Variants in CPNE9 observed in about 807,000 individuals in gnomAD.
The protein encoded by CPNE9 is copine-9.
CPNE9 carries 59 observed loss-of-function variants against 83.0 expected under a neutral mutation model. The observed-to-expected ratio is 0.71, with a 90% CI of 0.58 to 0.88. CPNE9 has a LOEUF of 0.88. Ranked by LOEUF, CPNE9 falls within the 40% of genes least tolerant of loss-of-function variation. The pLI, the probability that CPNE9 is intolerant of heterozygous loss-of-function variation, is 0.00. For missense variants in CPNE9, 619 were observed against 720.8 expected (o/e 0.86, Z 1.62); for synonymous variants, 256 against 273.4 (o/e 0.94, Z 0.63).
rs1442498255 is a variant in CPNE9 at position 9,729,607 on chromosome 3, T to C, written c.1577T>C (p.Leu526Pro). 6 of 1,613,960 alleles carry C rather than the reference T, an allele frequency of 3.7e-6. No individual in the cohort carries two copies. The highest frequency in any genetic ancestry group is 2.7e-5 in the African/African-American group (2 of 74,884). ...CTGGCCGAGATCCCGGAGCAGCTGC[T>C]GTCCTATATGCGCACCAGAGACATC... Reference protein sequence around the residue: ...DVLAEIPEQLLSYMRTRDIQP... With the variant: ...DVLAEIPEQLPSYMRTRDIQP... Residue 526 changes from leucine (L) to proline (P), a missense_variant, in exon 21 of 21, where the codon CTG becomes CCG. By Grantham distance (98) the Leu-to-Pro change is moderately conservative. This residue lies in a region of CPNE9 where 51 missense variants were observed against 40.4 expected (regional missense o/e 1.26). Coordinates refer to ENST00000383832, the MANE Select transcript of CPNE9 (RefSeq NM_153635.3).
rs1037691824 is a variant in CPNE9 at position 9,729,622 on chromosome 3, C to T, written c.1592C>T (p.Thr531Ile). ...GAGCAGCTGCTGTCCTATATGCGCA[C>T]CAGAGACATCCAGCCTCGGCCCCCA... is the stretch of plus-strand genomic sequence containing the variant. ...IPEQLLSYMRTRDIQPRPPPP... is the reference protein window; with the variant it reads ...IPEQLLSYMRIRDIQPRPPPP... The change falls in exon 21 of 21, where the codon ACC becomes ATC. Residue 531 changes from threonine (T) to isoleucine (I), a missense_variant. Around this residue, in one of 3 missense-constraint regions of CPNE9, gnomAD observed 51 missense variants for 40.4 expected, o/e 1.26. Transcript: ENST00000383832. The T allele has an allele frequency of 1.7e-5, 27 of 1,614,012 alleles. No homozygotes were observed. Among genetic ancestry groups the T allele is most frequent in the Non-Finnish European group, 2.1e-5 (25 of 1,180,020 alleles).
At chr3:9,709,739 G>A (rs1233798877) in intron 7 of CPNE9, among the ~76,000 whole-genome samples, 6 of 151,784 alleles carry the variant, frequency 4.0e-5, no homozygotes, top group South Asian at 2.1e-4. Context: ...TTAGGAGGCC[G>A]AGGCCTCCTA....
chr3:9,725,678 ATATATATATACATATATGTG>A (rs1559646137), intron 17 of CPNE9, among the ~76,000 whole-genome samples: 6 of 57,338 alleles, frequency 1.0e-4, no homozygotes, highest in African/African-American at 6.8e-4. Flanking sequence ...ATATATGTGT[ATATATATATACATATATGTG>A]TATATATGTG....
intron 17 of CPNE9, among the ~76,000 whole-genome samples, chr3:9,723,926 A>G (rs935100999): frequency 3.3e-5 from 5 of 152,202 alleles, no homozygotes; most frequent in African/African-American, 1.2e-4. Flanking sequence ...ACTGTCCAAT[A>G]GCACTTTCTG....
At chr3:9,712,321 G>A (rs571046508) in intron 7 of CPNE9, among the ~76,000 whole-genome samples, 1 of 152,296 alleles carries the variant, frequency 6.6e-6, no homozygotes, top group East Asian at 1.9e-4. Flanking sequence ...TCATGCTACT[G>A]TTGTGAGATG....
chr3:9,713,119 C>T (rs754251659), intron 10 of CPNE9, 40 bp downstream of exon 10: 2 of 1,459,018 alleles, frequency 1.4e-6, no homozygotes, highest in South Asian at 2.3e-5. Flanking sequence ...GAGCCAAGGA[C>T]ATGCCAGTGT....
chr3:9,705,365 T>C, intron 4 of CPNE9, 99 bp from the exon 5 acceptor site: 1 of 926,406 alleles, frequency 1.1e-6, no homozygotes, highest in Non-Finnish European at 1.7e-6. Context: ...CGGCCGCCCA[T>C]CCCTCCACCC....
chr3:9,727,520 C>A, intron 20 of CPNE9: 1 of 671,486 alleles, frequency 1.5e-6, no homozygotes, highest in Non-Finnish European at 2.7e-6. Flanking sequence ...GTAACAGGGA[C>A]CTAACATAGG....
chr3:9,704,764 C>G lies in CPNE9; in HGVS notation c.125C>G (p.Thr42Arg). 3 of 1,611,942 alleles carry G rather than the reference C, an allele frequency of 1.9e-6. No individual in the cohort carries two copies. The highest frequency in any genetic ancestry group is 1.7e-6 in the Non-Finnish European group (2 of 1,179,480). Residue 42 changes from threonine (T) to arginine (R), a missense_variant, in exon 3 of 21, where the codon ACG (threonine) becomes AGG (arginine). Physicochemically the swap from Thr to Arg is moderately conservative, Grantham distance 71. Transcript: ENST00000383832. This position sits in a 1 kb window ranked among gnomAD's most constrained non-coding sequence, Gnocchi z 7.1. ...CCACCTGCAGTGGTGGTGCTTTACA[C>G]GCAGAGCCGGGCCAGCCAGGAGTGG... ...SKSDPMVVLYTQSRASQEWRE... is the reference protein window; with the variant it reads ...SKSDPMVVLYRQSRASQEWRE...
At chr3:9,729,019 G>T (rs1435479584) in intron 20 of CPNE9, among the ~76,000 whole-genome samples, 9 of 152,158 alleles carry the variant, frequency 5.9e-5, no homozygotes, top group African/African-American at 2.2e-4. Context: ...AAATCATCCA[G>T]GAAGAGAGCT....
intron 17 of CPNE9, 90 bp downstream of exon 17, chr3:9,718,692 T>G (rs532576373): frequency 1.3e-6 from 2 of 1,490,616 alleles, no homozygotes; most frequent in Admixed American, 3.9e-5. Flanking sequence ...TCTAAGTAAT[T>G]TAGGATGATT....
rs267599947 is a variant in CPNE9, at chr3:9,729,593, C to T, written c.1563C>T (p.Ile521=). 1 of 1,614,160 alleles carries T rather than the reference C, an allele frequency of 6.2e-7. No individual in the cohort carries two copies. Among genetic ancestry groups the T allele is most frequent in the Non-Finnish European group, 8.5e-7 (1 of 1,180,034 alleles). Residue 521 remains isoleucine (I), a synonymous_variant, in exon 21 of 21, where the codon ATC becomes ATT. Coordinates refer to ENST00000383832, the MANE Select transcript of CPNE9 (RefSeq NM_153635.3). ...TGGCCAAGGATGTGCTGGCCGAGAT[C>T]CCGGAGCAGCTGCTGTCCTATATGC... ...ARLAKDVLAE[I]PEQLLSYMRT...
At chr3:9,720,753 C>T (rs948408768) in intron 17 of CPNE9, among the ~76,000 whole-genome samples, 50 of 152,014 alleles carry the variant, frequency 3.3e-4, no homozygotes, top group African/African-American at 1.2e-3. Context: ...TAAATATTAT[C>T]TTATGCAACT....
intron 7 of CPNE9, among the ~76,000 whole-genome samples, chr3:9,710,843 A>G (rs2076620235): frequency 6.6e-6 from 1 of 152,156 alleles, no homozygotes; most frequent in Non-Finnish European, 1.5e-5. Context: ...TGGGTAACAT[A>G]GCCAGACCTT....
At chr3:9,726,300 T>A (rs1342906501) in intron 18 of CPNE9, among the ~76,000 whole-genome samples, 1 of 152,208 alleles carries the variant, frequency 6.6e-6, no homozygotes, top group African/African-American at 2.4e-5. Flanking sequence ...GGACAGATGA[T>A]GCTTGCAGCC....
chr3:9,722,334 T>C (rs2076742434), intron 17 of CPNE9, among the ~76,000 whole-genome samples: 1 of 152,216 alleles, frequency 6.6e-6, no homozygotes, highest in Non-Finnish European at 1.5e-5. Flanking sequence ...CAATGGACTC[T>C]GCTGTTTCCC....
chr3:9,705,615 C>G, intron 5 of CPNE9, 103 bp from the exon 6 acceptor site: 1 of 1,568,318 alleles, frequency 6.4e-7, no homozygotes, highest in Non-Finnish European at 8.8e-7. Context: ...CTTCAGGCCC[C>G]CAACCCACCC....
At chr3:9,727,690 G>T (rs1352258493) in intron 20 of CPNE9, among the ~76,000 whole-genome samples, 1 of 152,220 alleles carries the variant, frequency 6.6e-6, no homozygotes, top group East Asian at 1.9e-4. Context: ...CACTGAGTGT[G>T]AGGAGGGAGG....
chr3:9,715,024 T>A, intron 11 of CPNE9, 69 bp downstream of exon 11: 1 of 1,434,534 alleles, frequency 7.0e-7, no homozygotes, highest in Non-Finnish European at 9.7e-7. Context: ...ATGTTGTACA[T>A]TCACTGAGAA....
Sources: allele counts gnomAD v4.1 joint callset (sites outside exome capture counted in the v4.1 genomes callset), GRCh38; gene constraint gnomAD v4.1.1; regional missense constraint gnomAD v4.1.1; non-coding constraint Gnocchi (gnomAD v3.1); transcripts MANE v1.5; gene names NCBI Gene and HGNC (gene_info 2026-07-23, HGNC 2026-07-21).